Variants in RBFOX1 observed in about 807,000 individuals in gnomAD.
RBFOX1 encodes the protein RNA binding fox-1 homolog 1, also known as RNA binding protein fox-1 homolog 1.
A neutral mutation model predicts 57.7 loss-of-function variants in RBFOX1; 8 were observed. That is an observed-to-expected ratio of 0.14 (90% CI 0.08 to 0.25). The LOEUF (loss-of-function observed/expected upper bound fraction) is 0.25, where lower values mean the gene tolerates loss of function less well. Ranked by LOEUF, RBFOX1 falls within the 10% of genes least tolerant of loss-of-function variation. The pLI, the probability that RBFOX1 is intolerant of heterozygous loss-of-function variation, is 1.00. For synonymous variants in RBFOX1, 326 were observed against 222.4 expected (o/e 1.47, Z -4.15); for missense variants, 611 against 548.5 (o/e 1.11, Z -1.14).
chr16:5,742,137 T>A lies in RBFOX1; in HGVS notation c.319-125166T>A, dbSNP rs79956868. Among the ~76,000 whole-genome samples, 310 of 152,330 alleles carry A rather than the reference T, an allele frequency of 2.0e-3. 14 individuals carry two copies. The East Asian group carries it at 0.057, about 28-fold the overall frequency. Reference sequence around the variant, plus strand: ...AGAGTGATAGTATATGGAACTTACATTTTTCCATCATTTGGTTCAAGATGG... The same window carrying A: ...AGAGTGATAGTATATGGAACTTACAATTTTCCATCATTTGGTTCAAGATGG... On this transcript the variant is annotated intron_variant, in intron 3 of 19. Transcript: ENST00000641259.
At chr16:7,280,880 G>A (rs985471865) in intron 4 of RBFOX1, among the ~76,000 whole-genome samples, 3 of 151,644 alleles carry the variant, frequency 2.0e-5, no homozygotes, top group African/African-American at 4.9e-5. Context: ...GGCCATATTT[G>A]TACTCACTAA....
rs372989816 is a variant in RBFOX1, at chr16:7,462,216, G to A, written c.28-55931G>A. Among the ~76,000 whole-genome samples, 5 of 152,246 alleles carry A rather than the reference G, an allele frequency of 3.3e-5. No individual in the cohort carries two copies. The South Asian group carries it at 8.3e-4, about 25-fold the overall frequency. ...TTTCCATATTTACATGATTGCATTT[G>A]TTGCTGTTTTAATGGCTGCTGTAAC... On this transcript the variant is annotated intron_variant, in intron 4 of 15. Coordinates refer to ENST00000550418, the MANE Select transcript of RBFOX1 (RefSeq NM_018723.4).
At chr16:5,383,023 G>T (rs1311795162) in intron 1 of RBFOX1, among the ~76,000 whole-genome samples, 2 of 152,138 alleles carry the variant, frequency 1.3e-5, no homozygotes, top group Non-Finnish European at 2.9e-5. Context: ...TTCCTCCCTT[G>T]CTCACATGCT....
At chr16:5,980,524 A>T (rs929453843) in intron 4 of RBFOX1, among the ~76,000 whole-genome samples, 2 of 152,184 alleles carry the variant, frequency 1.3e-5, no homozygotes, top group African/African-American at 4.8e-5. Flanking sequence ...CTGTGGGGCA[A>T]TGAGCAGTGA....
intron 3 of RBFOX1, among the ~76,000 whole-genome samples, chr16:5,816,573 C>T (rs2055646447): frequency 6.6e-6 from 1 of 152,044 alleles, no homozygotes; most frequent in Admixed American, 6.6e-5. Flanking sequence ...AGGTTGAGCC[C>T]AGGACTTTGA....
At chr16:6,062,261 A>C (rs1172987913) in intron 1 of RBFOX1, among the ~76,000 whole-genome samples, 3 of 150,012 alleles carry the variant, frequency 2.0e-5, no homozygotes, top group Admixed American at 6.6e-5. Flanking sequence ...TGATTCCATC[A>C]TTGGCCATTG....
chr16:6,977,043 A>T (rs890425974), intron 3 of RBFOX1, among the ~76,000 whole-genome samples: 2 of 137,788 alleles, frequency 1.5e-5, no homozygotes, highest in Non-Finnish European at 3.1e-5. Flanking sequence ...TATCATATAT[A>T]TCATATATCA....
At chr16:5,433,521 A>G (rs1039755574) in intron 1 of RBFOX1, among the ~76,000 whole-genome samples, 2 of 152,210 alleles carry the variant, frequency 1.3e-5, no homozygotes, top group African/African-American at 4.8e-5. Context: ...GTTGACCTCC[A>G]GTCTCTTGCA....
chr16:6,520,949 A>C (rs968683671), intron 2 of RBFOX1, among the ~76,000 whole-genome samples: 3 of 151,248 alleles, frequency 2.0e-5, no homozygotes, highest in Non-Finnish European at 3.0e-5. Context: ...TAGGGGGGGA[A>C]AAAAATAATT....
intron 1 of RBFOX1, among the ~76,000 whole-genome samples, chr16:6,085,568 C>A (rs892606509): frequency 1.3e-5 from 2 of 152,138 alleles, no homozygotes; most frequent in African/African-American, 4.8e-5. Context: ...TGTGCCCGAC[C>A]CTCACACCCA....
At chr16:5,588,247 ATGG>A (rs1197952483) in intron 2 of RBFOX1, among the ~76,000 whole-genome samples, 2 of 152,212 alleles carry the variant, frequency 1.3e-5, no homozygotes, top group East Asian at 3.8e-4. Context: ...ATGGAGTTTC[ATGG>A]TGATGAAAAC....
intron 14 of RBFOX1, among the ~76,000 whole-genome samples, chr16:7,697,931 G>C (rs559309717): frequency 6.6e-6 from 1 of 152,150 alleles, no homozygotes; most frequent in Non-Finnish European, 1.5e-5. Context: ...TCCCCTTCAG[G>C]CAGCAGGCAT....
At chr16:7,459,995 A>G (rs1302535132) in intron 4 of RBFOX1, among the ~76,000 whole-genome samples, 1 of 152,180 alleles carries the variant, frequency 6.6e-6, no homozygotes, top group Non-Finnish European at 1.5e-5. Flanking sequence ...AAATTAGTTT[A>G]AACAAGAGAA....
At chr16:6,448,156 C>CTTTTTTTTTTTTTTTTTTTTTTTT (rs397969435) in intron 2 of RBFOX1, among the ~76,000 whole-genome samples, 19 of 78,474 alleles carry the variant, frequency 2.4e-4, no homozygotes, top group Admixed American at 5.9e-4. Context: ...TCTTTTCTTT[C>CTTTTTTTTTTTTTTTTTTTTTTTT]TTTTTTTTTT....
intron 3 of RBFOX1, among the ~76,000 whole-genome samples, chr16:5,746,449 A>C (rs2052985482): frequency 1.3e-5 from 2 of 152,162 alleles, no homozygotes; most frequent in South Asian, 4.1e-4. Flanking sequence ...TATGAACTTT[A>C]AAGTAGTTTT....
At chr16:6,829,912 AT>A (rs2092578320) in intron 3 of RBFOX1, among the ~76,000 whole-genome samples, 1 of 140,928 alleles carries the variant, frequency 7.1e-6, no homozygotes, top group African/African-American at 2.7e-5. Context: ...CTTTATTTTT[AT>A]TTTATTTTTT....
chr16:6,054,175 T>C lies in RBFOX1; in HGVS notation c.-127+34183T>C, dbSNP rs577168155. 1.2e-4 allele frequency among the ~76,000 whole-genome samples: 18 copies of C among 152,302 alleles called. 1 individual carries two copies. In the South Asian group the frequency reaches 3.5e-3, roughly 30 times the overall value. On this transcript the variant is annotated intron_variant, in intron 1 of 15. Transcript: ENST00000550418. The stretch of plus-strand genomic sequence containing the variant: ...GCTAAAGTTATAGTATCTTTCCTAA[T>C]AGGGTAAATTTTTGTTTCATATTTT...
chr16:6,228,445 A>T (rs964609926), intron 1 of RBFOX1, among the ~76,000 whole-genome samples: 32 of 152,062 alleles, frequency 2.1e-4, no homozygotes, highest in Non-Finnish European at 4.0e-4. Context: ...ACACACACAC[A>T]CATACATATA....
At chr16:7,056,135 C>G (rs2052154955) in intron 4 of RBFOX1, among the ~76,000 whole-genome samples, 1 of 152,134 alleles carries the variant, frequency 6.6e-6, no homozygotes, top group Admixed American at 6.6e-5. Context: ...CATTAGTAAC[C>G]AGCTCAGCCC....
Sources: allele counts gnomAD v4.1 joint callset (sites outside exome capture counted in the v4.1 genomes callset), GRCh38; gene constraint gnomAD v4.1.1; transcripts MANE v1.5; gene names NCBI Gene and HGNC (gene_info 2026-07-23, HGNC 2026-07-21).